The following TNFAIP8 variants were observed in gnomAD, a reference collection of about 807,000 sequenced individuals.
TNFAIP8 encodes the protein TNF alpha induced protein 8.
TNFAIP8 carries 7 observed loss-of-function variants against 13.3 expected under a neutral mutation model. The ratio of observed to expected loss-of-function variants is 0.52; its 90% CI spans 0.30 to 0.99. The LOEUF is 0.99. Among genes scored for constraint, TNFAIP8 ranks in the 50% least tolerant of loss-of-function variants. TNFAIP8 has a pLI of 0.07. For missense variants in TNFAIP8, 258 were observed against 236.9 expected (o/e 1.09, Z -0.58); for synonymous variants, 94 against 87.6 (o/e 1.07, Z -0.41).
At chr5:119,376,563 C>G (rs958621788) in intron 1 of TNFAIP8, among the ~76,000 whole-genome samples, 1 of 114,714 alleles carries the variant, frequency 8.7e-6, no homozygotes, top group Admixed American at 8.1e-5. Flanking sequence ...TGTCTTCCCA[C>G]CCCCCCCGTC....
intron 1 of TNFAIP8, among the ~76,000 whole-genome samples, chr5:119,305,158 C>T (rs13189229): frequency 0.065 from 9,902 of 152,032 alleles, 774 homozygotes; most frequent in African/African-American, 0.18. Context: ...AGCTGATTTA[C>T]AAAGGAAAAT....
intron 1 of TNFAIP8, among the ~76,000 whole-genome samples, chr5:119,386,515 G>GTGTTTTGTTTTGTTT (rs3033647): frequency 8.6e-5 from 13 of 151,056 alleles, no homozygotes; most frequent in Middle Eastern, 6.8e-3. Context: ...AAAGAACCCA[G>GTGTTTTGTTTTGTTT]TGTTTTGTTT....
At chr5:119,335,517 T>C (rs1272053729) in intron 1 of TNFAIP8, among the ~76,000 whole-genome samples, 1 of 152,054 alleles carries the variant, frequency 6.6e-6, no homozygotes, top group Non-Finnish European at 1.5e-5. Flanking sequence ...CTGGCTTGTT[T>C]TTGTCATGTG....
chr5:119,376,412 CA>C (rs1190581107), intron 1 of TNFAIP8, among the ~76,000 whole-genome samples: 2 of 152,100 alleles, frequency 1.3e-5, no homozygotes, highest in Non-Finnish European at 2.9e-5. Flanking sequence ...TGAGCCACTG[CA>C]CCCGGCAAAA....
intron 1 of TNFAIP8, among the ~76,000 whole-genome samples, chr5:119,377,529 C>T (rs1348223025): frequency 2.0e-5 from 3 of 152,000 alleles, no homozygotes. Flanking sequence ...AATCCAAGTT[C>T]AGTTTTCTCC....
intron 1 of TNFAIP8, among the ~76,000 whole-genome samples, chr5:119,391,826 A>C (rs1752904203): frequency 6.6e-6 from 1 of 152,058 alleles, no homozygotes; most frequent in African/African-American, 2.4e-5. Context: ...AAGAAAAGTA[A>C]ACTTGGTTTG....
chr5:119,332,562 C>T (rs1428080918), intron 1 of TNFAIP8, among the ~76,000 whole-genome samples: 1 of 151,998 alleles, frequency 6.6e-6, no homozygotes, highest in Non-Finnish European at 1.5e-5. Flanking sequence ...GATAGATAAA[C>T]AACTGAAGAT....
At chr5:119,355,422 A>G, upstream of TNFAIP8, 1 of 700,216 alleles carries the variant, frequency 1.4e-6, no homozygotes, top group South Asian at 1.5e-5. Context: ...CACTTTCTTC[A>G]AAAGGCCCCG....
At position 119,365,445 on chromosome 5, in the gene TNFAIP8, C is replaced by G. The variant is rs150800682; in HGVS notation, c.31+9324C>G. ...CTAGATGGCTTATTCCTTGTGAGAA[C>G]CAATGAGATAATGTTAGTGTAAAGC... On this transcript the variant is annotated intron_variant, in intron 1 of 1. Transcript: ENST00000504771. 4.5e-3 allele frequency among the ~76,000 whole-genome samples: 689 copies of G among 152,282 alleles called. 9 individuals are homozygous for G. Among genetic ancestry groups the G allele is most frequent in the South Asian group, 0.043 (209 of 4,814 alleles).
chr5:119,285,801 A>G (rs1187312361), intron 1 of TNFAIP8, among the ~76,000 whole-genome samples: 2 of 152,340 alleles, frequency 1.3e-5, no homozygotes, highest in Admixed American at 6.5e-5. Flanking sequence ...AGCTGCTTAC[A>G]TACATGAGGG....
chr5:119,333,500 G>A (rs1369059010), intron 1 of TNFAIP8: 7 of 1,488,324 alleles, frequency 4.7e-6, no homozygotes, highest in African/African-American at 4.2e-5. Context: ...GAGTCTCCCC[G>A]AGGGTGATGC....
At chr5:119,277,688 A>G (rs1337765258) in intron 1 of TNFAIP8, among the ~76,000 whole-genome samples, 5 of 152,198 alleles carry the variant, frequency 3.3e-5, no homozygotes, top group African/African-American at 9.7e-5. Flanking sequence ...GTCTGTTTGT[A>G]CTGCTGTAAC....
intron 1 of TNFAIP8, among the ~76,000 whole-genome samples, chr5:119,330,648 G>A (rs1750348373): frequency 6.6e-6 from 1 of 152,142 alleles, no homozygotes; most frequent in African/African-American, 2.4e-5. Flanking sequence ...TTCGCAGGGT[G>A]TGGGGAGAGT....
chr5:119,281,809 T>C (rs1748639224), intron 1 of TNFAIP8, among the ~76,000 whole-genome samples: 1 of 152,236 alleles, frequency 6.6e-6, no homozygotes, highest in Non-Finnish European at 1.5e-5. Flanking sequence ...ATTGAAGCTC[T>C]TTCTCTAGTA....
intron 1 of TNFAIP8, among the ~76,000 whole-genome samples, chr5:119,388,492 C>G (rs1265197557): frequency 3.3e-5 from 5 of 152,172 alleles, no homozygotes; most frequent in Non-Finnish European, 7.3e-5. Context: ...ACACAGTGAA[C>G]ATGATACACA....
rs567882467 is a variant in TNFAIP8 at position 119,370,408 on chromosome 5, C to G, written c.31+14287C>G. On this transcript the variant is annotated intron_variant, in intron 1 of 1. Transcript: ENST00000504771. ...AATTCATGCATTTAACAACTAAAAT[C>G]CCAGCTTTTCCCATGTTGAGTTTAC... 7.2e-5 allele frequency among the ~76,000 whole-genome samples: 11 copies of G among 152,318 alleles called. No homozygotes were observed. In the South Asian group the frequency reaches 2.1e-3, roughly 29 times the overall value.
intron 1 of TNFAIP8, among the ~76,000 whole-genome samples, chr5:119,335,305 T>C (rs1232274347): frequency 6.6e-6 from 1 of 152,002 alleles, no homozygotes; most frequent in East Asian, 1.9e-4. Context: ...AGAGAGGAGG[T>C]GAGTGCTCTC....
chr5:119,368,344 C>A (rs1751944092), intron 1 of TNFAIP8, among the ~76,000 whole-genome samples: 1 of 149,826 alleles, frequency 6.7e-6, no homozygotes, highest in African/African-American at 2.5e-5. Flanking sequence ...TTGCTATCTC[C>A]CGAAATAATA....
chr5:119,392,709 G>A, intron 1 of TNFAIP8, 107 bp from the exon 2 acceptor site: 5 of 1,284,152 alleles, frequency 3.9e-6, no homozygotes, highest in Non-Finnish European at 5.2e-6. Flanking sequence ...ACCACAAATG[G>A]TGGGAAAATG....
Sources: gnomAD v4.1 joint callset for allele counts (sites outside exome capture counted in the v4.1 genomes callset) on GRCh38, gnomAD v4.1.1 for gene constraint, MANE v1.5 for transcripts, NCBI Gene and HGNC (gene_info 2026-07-23, HGNC 2026-07-21) for gene names.